The following WT1 variants were observed in gnomAD, a reference collection of about 807,000 sequenced individuals.
WT1 encodes Wilms tumor protein.
In WT1, 8 loss-of-function variants were observed where a neutral mutation model predicts 60.8. The ratio of observed to expected loss-of-function variants is 0.13; its 90% CI spans 0.08 to 0.24. The LOEUF (loss-of-function observed/expected upper bound fraction) is 0.24, where lower values mean the gene tolerates loss of function less well. Among genes scored for constraint, WT1 ranks in the 10% least tolerant of loss-of-function variants. The pLI is 1.00. For synonymous variants in WT1, 312 were observed against 297.1 expected, an observed-to-expected ratio of 1.05 and a Z score of -0.52; for missense variants, 568 against 711.8, an observed-to-expected ratio of 0.80 and a Z score of 2.30.
chr11:32,398,755 G>A (rs747589496), intron 6 of WT1, among the ~76,000 whole-genome samples: 1 of 151,648 alleles, frequency 6.6e-6, no homozygotes, highest in African/African-American at 2.4e-5. Flanking sequence ...GAAATGAAGG[G>A]GGAAAGGCCA....
At chr11:32,431,814 C>T (rs1853322551) in intron 1 of WT1, among the ~76,000 whole-genome samples, 1 of 152,100 alleles carries the variant, frequency 6.6e-6, no homozygotes, top group South Asian at 2.1e-4. Context: ...AACCCCCACA[C>T]ATGGACTAAG....
intron 2 of WT1, among the ~76,000 whole-genome samples, 156 bp from the exon 3 acceptor site, chr11:32,428,214 G>A (rs1266738139): frequency 6.6e-6 from 1 of 152,204 alleles, no homozygotes; most frequent in African/African-American, 2.4e-5. Context: ...AATGCAAGAA[G>A]CTAAGCCTCT....
chr11:32,428,094 C>A, intron 2 of WT1, 36 bp from the exon 3 acceptor site: 2 of 1,557,640 alleles, frequency 1.3e-6, no homozygotes, highest in Non-Finnish European at 1.7e-6. Context: ...AGCGAGTGCG[C>A]CCCAAGGGCT....
At chr11:32,396,197 A>T in intron 7 of WT1, 60 bp downstream of exon 7, 1 of 1,610,992 alleles carries the variant, frequency 6.2e-7, no homozygotes, top group South Asian at 1.1e-5. Flanking sequence ...GCAGTGTGAG[A>T]GCCTGGAAAA....
At chr11:32,393,930 T>C (rs1008455399) in intron 7 of WT1, among the ~76,000 whole-genome samples, 16 of 152,240 alleles carry the variant, frequency 1.1e-4, no homozygotes, top group Admixed American at 1.3e-4. Context: ...TCTCTCTCTG[T>C]TGCCCAGACT....
In WT1 at chr11:32,428,625, G is replaced by T. The variant is rs372418954; in HGVS notation, c.662-6C>A. 2.7e-4 allele frequency: 441 copies of T among 1,612,124 alleles called. No homozygotes were observed. The highest frequency in any genetic ancestry group is 3.3e-4 in the Non-Finnish European group (391 of 1,179,922). ...GAAGGTGACCGTGCTGTAACCTGCG[G>T]GAGCGGCGGAGAGAAGCACAGTGTC... On this transcript the variant is annotated splice_polypyrimidine_tract_variant and splice_region_variant and intron_variant, in intron 1 of 9. Transcript: ENST00000452863.
intron 1 of WT1, chr11:32,428,989 A>AG: frequency 2.8e-6 from 1 of 351,316 alleles, no homozygotes; most frequent in Non-Finnish European, 5.5e-6. Context: ...AATAAACTGC[A>AG]GCTCTTCCGC....
At position 32,428,057 on chromosome 11, in the gene WT1, A is replaced by G; in HGVS notation, c.786T>C (p.Gly262=). ...GGGGCGGCACCGAGTACTGCTGCTC[A>G]CCTGCAGAGAGAACCGAAGACAGCT... is the stretch of plus-strand genomic sequence containing the variant. Residue 262 remains glycine, a splice_region_variant and synonymous_variant, in exon 3 of 10, where the codon GGT becomes GGC. Transcript: ENST00000452863. 1 of 1,598,444 alleles carries G rather than the reference A, an allele frequency of 6.3e-7. No homozygotes were observed. The highest frequency in any genetic ancestry group is 8.5e-7 in the Non-Finnish European group (1 of 1,169,748).
chr11:32,430,749 G>T (rs1853276624), intron 1 of WT1: 9 of 1,343,096 alleles, frequency 6.7e-6, no homozygotes, highest in Non-Finnish European at 7.6e-6. Context: ...CGCAGACCTC[G>T]GCGGGCAAAG....
rs5030150 is a variant in WT1, at chr11:32,433,136, C to T, written c.661+1564G>A. On this transcript the variant is annotated intron_variant, in intron 1 of 9. Coordinates refer to ENST00000452863, the MANE Select transcript of WT1 (RefSeq NM_024426.6). Reference sequence around the variant, plus strand: ...ACGGGGACACTGAGACCTAGAAACTCCCCAAAAGTAACACCAGCCTGCTAA... The same window carrying T: ...ACGGGGACACTGAGACCTAGAAACTTCCCAAAAGTAACACCAGCCTGCTAA... 6.7e-3 allele frequency among the ~76,000 whole-genome samples: 1,022 copies of T among 152,344 alleles called. 7 individuals carry two copies. Among genetic ancestry groups the T allele is most frequent in the African/African-American group, 0.023 (938 of 41,582 alleles).
At chr11:32,402,120 T>C (rs548389456) in intron 5 of WT1, among the ~76,000 whole-genome samples, 27 of 152,144 alleles carry the variant, frequency 1.8e-4, no homozygotes, top group Admixed American at 7.2e-4. Context: ...AGCTGTAGGG[T>C]TTCACATTTA....
intron 5 of WT1, among the ~76,000 whole-genome samples, chr11:32,408,506 C>A (rs1201965200): frequency 3.8e-5 from 3 of 78,966 alleles, no homozygotes; most frequent in East Asian, 3.4e-4. Flanking sequence ...CAGAAGGAGA[C>A]TACGTCTTAA....
chr11:32,427,012 G>A (rs1011939861), intron 3 of WT1, among the ~76,000 whole-genome samples: 3 of 152,182 alleles, frequency 2.0e-5, no homozygotes, highest in African/African-American at 7.2e-5. Flanking sequence ...CCGGGTCCCC[G>A]CGCGGAGGGG....
In WT1 at chr11:32,435,187, G is replaced by C. The variant is rs886048232; in HGVS notation, c.174C>G (p.Leu58=). ...ACGCCCCGCGGCTCCTCCGGCCCTG[G>C]AGACGTTCAGCGCTGGCCTCGGCGG... The change falls in exon 1 of 10, where the codon CTC becomes CTG. Residue 58 remains leucine, a synonymous_variant. Coordinates refer to ENST00000452863, the MANE Select transcript of WT1 (RefSeq NM_024426.6). The C allele has an allele frequency of 5.9e-6, 9 of 1,526,800 alleles. No homozygotes were observed. Among genetic ancestry groups the C allele is most frequent in the Non-Finnish European group, 7.0e-6 (8 of 1,142,350 alleles). 94.6% of individuals were successfully genotyped at this position (1,526,800 alleles called of 1,614,324 possible).
chr11:32,428,142 C>T, intron 2 of WT1, 84 bp from the exon 3 acceptor site: 1 of 1,277,852 alleles, frequency 7.8e-7, no homozygotes, highest in South Asian at 1.4e-5. Context: ...GGGGGAGACA[C>T]GAGATCCTGA....
chr11:32,400,238 C>T lies in WT1; in HGVS notation c.1017-194G>A, dbSNP rs1852113238. The T allele has an allele frequency of 1.4e-5, 9 of 662,708 alleles. 1 individual carries two copies. In the East Asian group the frequency reaches 2.5e-4, roughly 18 times the overall value. 41.1% of individuals were successfully genotyped at this position (662,708 alleles called of 1,614,324 possible). A position where few individuals can be genotyped will look rare whatever the true frequency, so the allele number is the denominator to read the frequency against. On this transcript the variant is annotated intron_variant, in intron 5 of 9. Transcript: ENST00000452863. ...CGAGGCCCCTGGATCCTGGCCGCCA[C>T]CTCGCAGCCCCTCCCTCATCCTCCG... is the stretch of plus-strand genomic sequence containing the variant.
At chr11:32,398,160 G>T (rs1852030308) in intron 6 of WT1, among the ~76,000 whole-genome samples, 1 of 152,168 alleles carries the variant, frequency 6.6e-6, no homozygotes, top group African/African-American at 2.4e-5. Context: ...TGAAAGGCTT[G>T]GGAGTAGGGA....
intron 5 of WT1, among the ~76,000 whole-genome samples, chr11:32,403,572 CTTTTT>C (rs398055138): frequency 7.8e-6 from 1 of 128,774 alleles, no homozygotes; most frequent in African/African-American, 3.0e-5. Flanking sequence ...ATGAATATTA[CTTTTT>C]TTTTTTTTTT....
rs762418497 is a variant in WT1, at chr11:32,434,764, C to T, written c.597G>A (p.Arg199=). 1.2e-6 allele frequency: 2 copies of T among 1,612,822 alleles called. No individual in the cohort carries two copies. Among genetic ancestry groups the T allele is most frequent in the South Asian group, 1.1e-5 (1 of 91,048 alleles). ...GCAGGTAGGGCGCGTTAGGAAACAT[C>T]CTGGCCTGGCCGGATGACGCCTGGC... The change falls in exon 1 of 10, where the codon AGG becomes AGA. Residue 199 remains arginine (R), a synonymous_variant. Transcript: ENST00000452863.
Sources: allele counts gnomAD v4.1 joint callset (sites outside exome capture counted in the v4.1 genomes callset), GRCh38; gene constraint gnomAD v4.1.1; transcripts MANE v1.5; gene names NCBI Gene and HGNC (gene_info 2026-07-23, HGNC 2026-07-21).